NSD2: variants seen among roughly 807,000 people sequenced by gnomAD.
NSD2 encodes the protein histone-lysine N-methyltransferase NSD2.
Under a neutral mutation model 139.0 loss-of-function variants are expected in NSD2, and 12 were observed. The observed-to-expected ratio is 0.09, with a 90% CI of 0.06 to 0.14. NSD2 has a LOEUF of 0.14. Among genes scored for constraint, NSD2 ranks in the 10% least tolerant of loss-of-function variants. The pLI is 1.00. For missense variants in NSD2, 1,155 were observed against 1,745.0 expected (o/e 0.66, Z 6.02); for synonymous variants, 669 against 648.7 (o/e 1.03, Z -0.48).
At chr4:1,898,224 C>G (rs1041254358) in intron 1 of NSD2, among the ~76,000 whole-genome samples, 1 of 152,120 alleles carries the variant, frequency 6.6e-6, no homozygotes, top group African/African-American at 2.4e-5. Flanking sequence ...GTAGCAGGGA[C>G]TACAGGTGCA....
At chr4:1,940,734 G>A (rs1236889432) in intron 9 of NSD2, 9 of 1,060,774 alleles carry the variant, frequency 8.5e-6, no homozygotes, top group Non-Finnish European at 9.1e-6. Context: ...TGAGTCAGAA[G>A]GCGGCACTTC....
In NSD2 at chr4:1,973,710, G is replaced by C. The variant is rs879728700; in HGVS notation, c.3373-1153G>C. On this transcript the variant is annotated intron_variant, in intron 18 of 21. Transcript: ENST00000508803. The surrounding 1 kb of genome is among the most constrained non-coding windows in gnomAD (Gnocchi z 5.5). ...GCTGGGTGCGTGGGCAGTTGTGTCA[G>C]AGGCCGCGTGTGAATAGTGACTCCG... 6.6e-6 allele frequency among the ~76,000 whole-genome samples: 1 copy of C among 152,282 alleles called. No homozygotes were observed. Among genetic ancestry groups the C allele is most frequent in the Non-Finnish European group, 1.5e-5 (1 of 68,046 alleles).
chr4:1,944,388 T>C, intron 9 of NSD2: 1 of 1,065,696 alleles, frequency 9.4e-7, no homozygotes, highest in Non-Finnish European at 1.1e-6. Flanking sequence ...CATAAGAACC[T>C]CAAAATAATG....
intron 9 of NSD2, chr4:1,944,308 G>C: frequency 9.4e-7 from 1 of 1,066,318 alleles, no homozygotes; most frequent in Non-Finnish European, 1.1e-6. Context: ...AGAACTTAGG[G>C]AGGACCATTG....
At position 1,947,359 on chromosome 4, in the gene NSD2, C is replaced by T. The variant is rs141340057; in HGVS notation, c.1882-3713C>T. On this transcript the variant is annotated intron_variant, in intron 9 of 21. Coordinates refer to ENST00000508803, the MANE Select transcript of NSD2 (RefSeq NM_001042424.3). ...CCACCTGCTTGGGGCTATGTGGCTA[C>T]GGCTACACAAAAGCCTGTGCAGGTT... The T allele has an allele frequency of 5.6e-5, 59 of 1,061,380 alleles. No individual in the cohort carries two copies. In the African/African-American group the frequency reaches 5.7e-4, roughly 10 times the overall value. The allele number at this position is 1,061,380 out of a possible 1,614,324, so 65.7% of individuals were successfully genotyped here.
intron 16 of NSD2, 88 bp from the exon 17 acceptor site, chr4:1,959,383 G>A (rs1725144991): frequency 1.3e-6 from 2 of 1,510,378 alleles, no homozygotes; most frequent in South Asian, 2.5e-5. Context: ...CCACCTGGAG[G>A]CTGGGTAAGG....
rs1210180573 is a variant in NSD2, at chr4:1,948,778, T to G, written c.1882-2294T>G. 1.1e-5 allele frequency: 11 copies of G among 1,041,054 alleles called. No homozygotes were observed. Among genetic ancestry groups the G allele is most frequent in the Non-Finnish European group, 1.3e-5 (11 of 863,046 alleles). The allele number at this position is 1,041,054 out of a possible 1,614,324, so 64.5% of individuals were successfully genotyped here. ...TCTCCAAGTGGAAACGTGCTAACTT[T>G]TTCTGTAAATCTGAAATAAAAGGTG... On this transcript the variant is annotated intron_variant, in intron 9 of 21. Coordinates refer to ENST00000508803, the MANE Select transcript of NSD2 (RefSeq NM_001042424.3). The surrounding 1 kb of genome is among the most constrained non-coding windows in gnomAD (Gnocchi z 4.5).
chr4:1,872,637 C>A (rs4865481), intron 1 of NSD2, among the ~76,000 whole-genome samples: 26,307 of 74,956 alleles, frequency 0.35, 3,919 homozygotes, highest in Non-Finnish European at 0.44. Context: ...AGAGAGAGAG[C>A]GCGCAGACCC....
In NSD2 at chr4:1,919,934, CA is replaced by C. The variant is rs951983439; in HGVS notation, c.1410+1320del. ...CTGGCGACAGAATGAGACGCCGTCT[CA>C]AAAAAAAAGGAAAAAAAGTCTGTCT... On this transcript the variant is annotated intron_variant, in intron 5 of 21. Transcript: ENST00000508803. Among the ~76,000 whole-genome samples the C allele has an allele frequency of 1.6e-4, 24 of 147,558 alleles. 1 individual carries two copies. In the South Asian group the frequency reaches 1.7e-3, roughly 11 times the overall value.
chr4:1,945,618 G>A, intron 9 of NSD2: 1 of 1,064,848 alleles, frequency 9.4e-7, no homozygotes, highest in Non-Finnish European at 1.1e-6. Flanking sequence ...GCTGTGAGCT[G>A]GGCTTCTGTC....
chr4:1,951,092 C>G lies in NSD2; in HGVS notation c.1902C>G (p.Asp634Glu). Residue 634 changes from aspartate to glutamate, a missense_variant, in exon 10 of 22, where the codon GAC becomes GAG. Asp to Glu is a conservative substitution (Grantham distance 45, BLOSUM62 2). Coordinates refer to ENST00000508803, the MANE Select transcript of NSD2 (RefSeq NM_001042424.3). Reference sequence around the variant, plus strand: ...TCTAGGTCTCGGACAGCCCGGGAGACGAGCCCTCGGAGTCCCCATACGAAA... The same window carrying G: ...TCTAGGTCTCGGACAGCCCGGGAGAGGAGCCCTCGGAGTCCCCATACGAAA... ...TENEVSDSPGDEPSESPYESA... is the reference protein window; with the variant it reads ...TENEVSDSPGEEPSESPYESA... 1.2e-6 allele frequency: 2 copies of G among 1,614,144 alleles called. No homozygotes were observed. Among genetic ancestry groups the G allele is most frequent in the South Asian group, 1.1e-5 (1 of 91,088 alleles).
At chr4:1,917,138 G>T in intron 4 of NSD2, 101 bp downstream of exon 4, 3 of 1,128,254 alleles carry the variant, frequency 2.7e-6, no homozygotes. Context: ...TCGAAATATT[G>T]TAATGGCTTA....
chr4:1,938,649 G>T, intron 8 of NSD2, 117 bp downstream of exon 8: 1 of 753,152 alleles, frequency 1.3e-6, no homozygotes, highest in South Asian at 2.4e-5. Context: ...CAGGGCAGGG[G>T]AGGAATCCAC....
At chr4:1,949,770 A>C (rs2108935089) in intron 9 of NSD2, among the ~76,000 whole-genome samples, 1 of 151,762 alleles carries the variant, frequency 6.6e-6, no homozygotes, top group African/African-American at 2.4e-5. Flanking sequence ...TCTCGAGAAA[A>C]AAAAAAAAAA....
At chr4:1,945,982 G>A in intron 9 of NSD2, 3 of 1,048,964 alleles carry the variant, frequency 2.9e-6, no homozygotes, top group Non-Finnish European at 3.5e-6. Flanking sequence ...GTAGACTTTT[G>A]TATACAGACC....
Position 1,953,505 on chromosome 4 carries a change from A to C in NSD2, c.2319A>C (p.Ser773=), listed in dbSNP as rs1724491930. 1 of 1,612,286 alleles carries C rather than the reference A, an allele frequency of 6.2e-7. No homozygotes were observed. Among genetic ancestry groups the C allele is most frequent in the East Asian group, 2.2e-5 (1 of 44,864 alleles). ...SCVSCHASNP[S]NPRPSKGKMM... ...TGAGCTGCCATGCTTCCAACCCTTC[A>C]AACCCAAGGCCGTCAAAAGGTACAG... Residue 773 remains serine (S), a synonymous_variant, in exon 12 of 22, where the codon TCA becomes TCC. Transcript: ENST00000508803.
At chr4:1,901,760 T>C (rs555635722) in intron 2 of NSD2, among the ~76,000 whole-genome samples, 1 of 152,292 alleles carries the variant, frequency 6.6e-6, no homozygotes, top group South Asian at 2.1e-4. Flanking sequence ...CCACTTACTG[T>C]CTCCTCAGCC....
intron 2 of NSD2, 30 bp from the exon 3 acceptor site, chr4:1,904,186 T>A (rs964189028): frequency 1.9e-6 from 3 of 1,606,060 alleles, no homozygotes; most frequent in Non-Finnish European, 2.6e-6. Flanking sequence ...TTGGATGTGT[T>A]AGTGTTTGTC....
chr4:1,918,298 A>T lies in NSD2; in HGVS notation c.1085A>T (p.Glu362Val), dbSNP rs747469766. ...CATCTCAACCCTCAAGTAGCCAAGGAGGCTGGCATTGCTGCAGAGTCTTTG... is the reference window on the plus strand; with the variant it reads ...CATCTCAACCCTCAAGTAGCCAAGGTGGCTGGCATTGCTGCAGAGTCTTTG... ...QLHLNPQVAK[E>V]AGIAAESLGE... Residue 362 changes from glutamate (E) to valine (V), a missense_variant, in exon 5 of 22, where the codon GAG (glutamate) becomes GTG (valine). Glu to Val is a moderately radical substitution (Grantham distance 121, BLOSUM62 -2). This residue lies in a region of NSD2 where 420 missense variants were observed against 469.0 expected (regional missense o/e 0.90). Transcript: ENST00000508803. The T allele has an allele frequency of 1.2e-6, 2 of 1,613,912 alleles. No individual in the cohort carries two copies. Among genetic ancestry groups the T allele is most frequent in the Non-Finnish European group, 1.7e-6 (2 of 1,180,026 alleles).
Sources: gnomAD v4.1 joint callset for allele counts (sites outside exome capture counted in the v4.1 genomes callset) on GRCh38, gnomAD v4.1.1 for gene constraint, gnomAD v4.1.1 regional missense constraint, Gnocchi (gnomAD v3.1) non-coding constraint, MANE v1.5 for transcripts, NCBI Gene and HGNC (gene_info 2026-07-23, HGNC 2026-07-21) for gene names.